Variants in ST6GALNAC3 observed in about 807,000 individuals in gnomAD.
The protein encoded by ST6GALNAC3 is alpha-N-acetylgalactosaminide alpha-2,6-sialyltransferase 3.
In ST6GALNAC3, 25 loss-of-function variants were observed where a neutral mutation model predicts 32.7. That is an observed-to-expected ratio of 0.76 (90% CI 0.56 to 1.07). ST6GALNAC3 has a LOEUF of 1.07. ST6GALNAC3 is among the 50% of genes least tolerant of loss of function. The pLI, the probability that ST6GALNAC3 is intolerant of heterozygous loss-of-function variation, is 0.00. For synonymous variants in ST6GALNAC3, 129 were observed against 133.1 expected (o/e 0.97, Z 0.21); for missense variants, 355 against 382.4 (o/e 0.93, Z 0.60).
chr1:76,637,303 A>G (rs683148), downstream of ST6GALNAC3: 72,371 of 151,782 alleles, frequency 0.48, 17,977 homozygotes, highest in African/African-American at 0.62. Flanking sequence ...TTAGTCAGTC[A>G]TGTTTTCCTG....
chr1:76,313,404 G>A (rs551151783), intron 1 of ST6GALNAC3, among the ~76,000 whole-genome samples: 10 of 152,194 alleles, frequency 6.6e-5, no homozygotes, highest in Non-Finnish European at 1.2e-4. Context: ...TAAATTATGG[G>A]AATGATGGGA....
intron 3 of ST6GALNAC3, among the ~76,000 whole-genome samples, chr1:76,489,622 C>T (rs544638734): frequency 4.6e-5 from 7 of 152,228 alleles, no homozygotes; most frequent in African/African-American, 1.2e-4. Flanking sequence ...ATGGAATAAT[C>T]AAAACTCTGA....
At chr1:76,126,608 C>A (rs901591455) in intron 1 of ST6GALNAC3, among the ~76,000 whole-genome samples, 1 of 152,128 alleles carries the variant, frequency 6.6e-6, no homozygotes, top group Non-Finnish European at 1.5e-5. Context: ...TGCTCTGAGA[C>A]GCAGCACTCA....
At chr1:76,153,577 T>G (rs1368606118) in intron 1 of ST6GALNAC3, among the ~76,000 whole-genome samples, 2 of 152,204 alleles carry the variant, frequency 1.3e-5, no homozygotes, top group East Asian at 3.9e-4. Flanking sequence ...TTCACTTTAA[T>G]AAAACATGGC....
At chr1:76,456,855 C>A (rs1295391647) in intron 3 of ST6GALNAC3, among the ~76,000 whole-genome samples, 3 of 152,064 alleles carry the variant, frequency 2.0e-5, no homozygotes, top group Non-Finnish European at 4.4e-5. Flanking sequence ...CTGGCCAGGG[C>A]AATTAGGCAG....
intron 1 of ST6GALNAC3, among the ~76,000 whole-genome samples, chr1:76,126,440 C>CTTCTTCCTTCCTTCCTTTG (rs1553157148): frequency 6.8e-6 from 1 of 147,350 alleles, no homozygotes; most frequent in Non-Finnish European, 1.5e-5. Flanking sequence ...TCCTTCCTTC[C>CTTCTTCCTTCCTTCCTTTG]TTCCTTCCTT....
intron 3 of ST6GALNAC3, among the ~76,000 whole-genome samples, chr1:76,549,362 T>C (rs1184597148): frequency 2.0e-5 from 3 of 152,128 alleles, no homozygotes; most frequent in African/African-American, 7.2e-5. Flanking sequence ...TGCATTTTTA[T>C]ACTATGACTA....
chr1:76,337,043 G>A (rs1647538975), intron 2 of ST6GALNAC3, among the ~76,000 whole-genome samples: 1 of 152,194 alleles, frequency 6.6e-6, no homozygotes, highest in Non-Finnish European at 1.5e-5. Flanking sequence ...ATCTGCATTT[G>A]CCACTCAGCC....
Position 76,074,752 on chromosome 1 carries a change from G to C in ST6GALNAC3, c.-115G>C. On this transcript the variant is annotated 5_prime_UTR_variant, in exon 1 of 5. Coordinates refer to ENST00000328299, the MANE Select transcript of ST6GALNAC3 (RefSeq NM_152996.4). The stretch of plus-strand genomic sequence containing the variant: ...CACCGCGGTCCCCTTATTTGGATCT[G>C]CGGGAATGTGGGCTGGAGAGGTCCT... 1 of 1,174,332 alleles carries C rather than the reference G, an allele frequency of 8.5e-7. No homozygotes were observed. The highest frequency in any genetic ancestry group is 1.2e-6 in the Non-Finnish European group (1 of 842,694). The allele number at this position is 1,174,332 out of a possible 1,614,324, so 72.7% of individuals were successfully genotyped here.
intron 3 of ST6GALNAC3, among the ~76,000 whole-genome samples, chr1:76,534,369 A>G (rs768682530): frequency 1.3e-5 from 2 of 151,826 alleles, no homozygotes; most frequent in African/African-American, 4.8e-5. Context: ...AAGTCCATCC[A>G]TGTCTCTAAT....
chr1:76,601,446 A>T (rs1186150654), intron 3 of ST6GALNAC3, among the ~76,000 whole-genome samples: 1 of 152,204 alleles, frequency 6.6e-6, no homozygotes, highest in South Asian at 2.1e-4. Flanking sequence ...GGGTAAAACT[A>T]CATAAATCAT....
chr1:76,372,359 C>T (rs1322607035), intron 2 of ST6GALNAC3, among the ~76,000 whole-genome samples: 16 of 152,004 alleles, frequency 1.1e-4, no homozygotes, highest in Non-Finnish European at 2.9e-5. Context: ...TATACACAGA[C>T]ATGCACACAC....
chr1:76,303,173 C>A (rs1353995458), intron 1 of ST6GALNAC3, among the ~76,000 whole-genome samples: 2 of 151,994 alleles, frequency 1.3e-5, no homozygotes, highest in Non-Finnish European at 2.9e-5. Context: ...CAAACGAAGA[C>A]TTGGCCCACA....
intron 1 of ST6GALNAC3, among the ~76,000 whole-genome samples, chr1:76,112,710 C>T (rs1291753011): frequency 6.6e-6 from 1 of 150,654 alleles, no homozygotes; most frequent in South Asian, 2.1e-4. Flanking sequence ...ACGGGGCGGC[C>T]GGGCAGAGAC....
chr1:76,320,506 C>T (rs1374826417), intron 2 of ST6GALNAC3, among the ~76,000 whole-genome samples: 1 of 152,086 alleles, frequency 6.6e-6, no homozygotes, highest in Non-Finnish European at 1.5e-5. Flanking sequence ...CTGACATGGA[C>T]ACAACTCCCC....
chr1:76,486,141 CAACT>C (rs1360210682), intron 3 of ST6GALNAC3, among the ~76,000 whole-genome samples: 1 of 152,128 alleles, frequency 6.6e-6, no homozygotes, highest in Non-Finnish European at 1.5e-5. Flanking sequence ...GCTTTACTTC[CAACT>C]ATGTGGTCAA....
intron 3 of ST6GALNAC3, among the ~76,000 whole-genome samples, chr1:76,437,779 T>C (rs995442878): frequency 2.6e-5 from 4 of 152,064 alleles, no homozygotes; most frequent in Admixed American, 1.3e-4. Context: ...TTTCACCATG[T>C]TGGCCAGGAC....
intron 3 of ST6GALNAC3, among the ~76,000 whole-genome samples, chr1:76,472,312 C>T (rs533547138): frequency 3.3e-5 from 5 of 152,038 alleles, no homozygotes; most frequent in Non-Finnish European, 7.4e-5. Context: ...CTTTTCTGTT[C>T]TTTTCTTTTC....
intron 2 of ST6GALNAC3, among the ~76,000 whole-genome samples, chr1:76,323,801 A>T (rs559651233): frequency 2.0e-5 from 3 of 152,264 alleles, no homozygotes; most frequent in Non-Finnish European, 2.9e-5. Flanking sequence ...AAATTTTAGA[A>T]TTTTTTTAAA....
Sources: allele counts gnomAD v4.1 joint callset (sites outside exome capture counted in the v4.1 genomes callset), GRCh38; gene constraint gnomAD v4.1.1; transcripts MANE v1.5; gene names NCBI Gene and HGNC (gene_info 2026-07-23, HGNC 2026-07-21).